Variants in USP11 observed in about 807,000 individuals in gnomAD.
USP11 encodes ubiquitin specific peptidase 11.
A neutral mutation model predicts 72.8 loss-of-function variants in USP11; 5 were observed. That is an observed-to-expected ratio of 0.07 (90% CI 0.04 to 0.14). The LOEUF (loss-of-function observed/expected upper bound fraction) is 0.14, where lower values mean the gene tolerates loss of function less well. USP11 is among the 10% of genes least tolerant of loss of function. The probability of loss-of-function intolerance (pLI) is 1.00; values close to 1 mark genes in which losing one functional copy is unlikely to be tolerated. For missense variants in USP11, 480 were observed against 794.7 expected (o/e 0.60, Z 4.76); for synonymous variants, 368 against 326.5 (o/e 1.13, Z -1.37).
chrX:47,233,541 C>T, intron 1 of USP11: 1 of 910,684 alleles, frequency 1.1e-6, no homozygotes, highest in Non-Finnish European at 1.4e-6. Context: ...AAGGTGGGTT[C>T]TGCTACATAA....
At chrX:47,234,202 G>A (rs1352180155) in intron 1 of USP11, among the ~76,000 whole-genome samples, 1 of 110,931 alleles carries the variant, frequency 9.0e-6, no homozygotes, top group East Asian at 2.8e-4. Context: ...TAAAATAAAC[G>A]GCCTACACTC....
At chrX:47,235,303 CCTTAT>C (rs1441658346) in intron 1 of USP11, among the ~76,000 whole-genome samples, 1 of 112,042 alleles carries the variant, frequency 8.9e-6, no homozygotes, top group Non-Finnish European at 1.9e-5. Flanking sequence ...TACTGTGAGC[CCTTAT>C]CTTCGCATCG....
rs1310007314 is a variant in USP11, at chrX:47,239,374, G to A, written c.310G>A (p.Glu104Lys). The A allele has an allele frequency of 1.7e-6, 2 of 1,211,561 alleles. No homozygotes were observed. Among genetic ancestry groups the A allele is most frequent in the Admixed American group, 2.2e-5 (1 of 46,037 alleles). Residue 104 changes from glutamate (E) to lysine (K), a missense_variant, in exon 3 of 21, where the codon GAG (glutamate) becomes AAG (lysine). Transcript: ENST00000377107. Reference protein sequence around the residue: ...FQDEINWRLKEGLVEGEDYVL... With the variant: ...FQDEINWRLKKGLVEGEDYVL... ...AGATGAGATAAACTGGCGCCTCAAGGAGGGACTGGTGGAAGGCGAGGATTA... is the reference window on the plus strand; with the variant it reads ...AGATGAGATAAACTGGCGCCTCAAGAAGGGACTGGTGGAAGGCGAGGATTA...
At chrX:47,240,496 A>G in intron 5 of USP11, 46 bp downstream of exon 5, 1 of 1,209,343 alleles carries the variant, frequency 8.3e-7, no homozygotes, top group Non-Finnish European at 1.1e-6. Flanking sequence ...TGGCAGATAG[A>G]CTCACCTGGC....
In USP11 at chrX:47,240,789, G is replaced by A. The variant is rs1216184460; in HGVS notation, c.759G>A (p.Ser253=). 8.3e-6 allele frequency: 10 copies of A among 1,210,023 alleles called. No individual in the cohort carries two copies. Among genetic ancestry groups the A allele is most frequent in the Admixed American group, 4.4e-5 (2 of 45,807 alleles). Residue 253 remains serine (S), a synonymous_variant, in exon 7 of 21, where the codon TCG becomes TCA. Coordinates refer to ENST00000377107, the MANE Select transcript of USP11 (RefSeq NM_001371072.1). ...AQLHVMNNNM[S]EEDEDFKGQP... is the part of the protein sequence containing the mutation. ...CTAACCCCAGGAACAACAACATGTC[G>A]GAAGAGGATGAGGACTTCAAGGGTC...
chrX:47,241,384 C>T lies in USP11; in HGVS notation c.954C>T (p.Ala318=), dbSNP rs373517181. 1.7e-6 allele frequency: 2 copies of T among 1,211,399 alleles called. No individual in the cohort carries two copies. The highest frequency in any genetic ancestry group is 2.2e-6 in the Non-Finnish European group (2 of 895,384). The stretch of plus-strand genomic sequence containing the variant: ...GCATGAAGGGTGAGATCGCAGAGGC[C>T]TATGCAGACCTGGTGAAGCAGGCGT... ...PLGMKGEIAE[A]YADLVKQAWS... The change falls in exon 8 of 21, where the codon GCC becomes GCT. Residue 318 remains alanine (A), a synonymous_variant. Transcript: ENST00000377107.
intron 17 of USP11, among the ~76,000 whole-genome samples, chrX:47,246,386 A>G (rs1235543768): frequency 1.8e-5 from 2 of 111,944 alleles, no homozygotes; most frequent in Admixed American, 9.6e-5. Flanking sequence ...TGGAGCAGAA[A>G]TGGAACAGAA....
intron 1 of USP11, chrX:47,233,762 GC>G: frequency 1.0e-5 from 1 of 97,204 alleles, no homozygotes. Context: ...GGTGACGTGA[GC>G]TGAGGGGCGT....
chrX:47,246,934 T>A, intron 17 of USP11, 138 bp from the exon 18 acceptor site: 1 of 784,188 alleles, frequency 1.3e-6, no homozygotes, highest in Non-Finnish European at 1.8e-6. Context: ...GGCAGGAGAA[T>A]CGCTTGAACC....
At chrX:47,241,773 G>C (rs970192347) in intron 9 of USP11, 74 bp downstream of exon 9, 1 of 1,078,904 alleles carries the variant, frequency 9.3e-7, no homozygotes, top group Admixed American at 3.2e-5. Flanking sequence ...TGGCCTCCCT[G>C]GGGTATCTAA....
chrX:47,247,564 C>G (rs373240511), intron 19 of USP11, 47 bp from the exon 20 acceptor site: 14 of 1,193,158 alleles, frequency 1.2e-5, no homozygotes, highest in South Asian at 1.8e-5. Flanking sequence ...CTGGACACTT[C>G]TGAGAGGCAG....
chrX:47,245,239 C>T (rs2055426030), intron 16 of USP11, 131 bp from the exon 17 acceptor site: 2 of 909,714 alleles, frequency 2.2e-6, no homozygotes, highest in Non-Finnish European at 3.1e-6. Flanking sequence ...AGCTCCAGGG[C>T]CTGAGGTTCC....
intron 1 of USP11, chrX:47,233,622 C>T: frequency 1.4e-6 from 1 of 698,967 alleles, no homozygotes; most frequent in Non-Finnish European, 1.7e-6. Context: ...TGCTCCGGGG[C>T]GGCTGGGAAC....
In USP11 at chrX:47,233,058, A is replaced by G. The variant is rs765440597; in HGVS notation, c.15A>G (p.Ala5=). 8.3e-7 allele frequency: 1 copy of G among 1,210,065 alleles called. No homozygotes were observed. The highest frequency in any genetic ancestry group is 1.8e-5 in the South Asian group (1 of 56,775). The change falls in exon 1 of 21, where the codon GCA becomes GCG. Residue 5 remains alanine, a synonymous_variant. Coordinates refer to ENST00000377107, the MANE Select transcript of USP11 (RefSeq NM_001371072.1). ...AACGGACGGCGATGGCGACGGTCGCAGCAAATCCAGCTGCTGCTGCGGCGG... is the reference window on the plus strand; with the variant it reads ...AACGGACGGCGATGGCGACGGTCGCGGCAAATCCAGCTGCTGCTGCGGCGG... The part of the protein sequence containing the change: MATV[A]ANPAAAAAAV...
intron 1 of USP11, among the ~76,000 whole-genome samples, chrX:47,235,931 C>G (rs1247989307): frequency 8.9e-6 from 1 of 111,870 alleles, no homozygotes; most frequent in African/African-American, 3.2e-5. Flanking sequence ...GGCTTTGATC[C>G]TTGCCTCTTC....
At chrX:47,241,052 C>A in intron 7 of USP11, 176 bp downstream of exon 7, 1 of 564,054 alleles carries the variant, frequency 1.8e-6, no homozygotes, top group Non-Finnish European at 2.8e-6. Flanking sequence ...TCAGCCTCTT[C>A]TCTCAGCTTG....
At chrX:47,244,233 C>T (rs1173845970) in intron 13 of USP11, among the ~76,000 whole-genome samples, 1 of 108,866 alleles carries the variant, frequency 9.2e-6, no homozygotes, top group Non-Finnish European at 1.9e-5. Context: ...CAAATAGCTG[C>T]AATTACAGCC....
chrX:47,247,810 C>G lies in USP11; in HGVS notation c.2643C>G (p.Val881=), dbSNP rs2147356407. 2 of 1,208,826 alleles carry G rather than the reference C, an allele frequency of 1.7e-6. No homozygotes were observed. Among genetic ancestry groups the G allele is most frequent in the East Asian group, 5.9e-5 (2 of 33,784 alleles). ...ENQIESKAAY[V]LFYQRQDVAR... ...CCCCACAGTCCAAGGCAGCCTATGTCCTCTTCTACCAACGCCAGGACGTGG... is the reference window on the plus strand; with the variant it reads ...CCCCACAGTCCAAGGCAGCCTATGTGCTCTTCTACCAACGCCAGGACGTGG... Residue 881 remains valine (V), a synonymous_variant, in exon 21 of 21, where the codon GTC becomes GTG. Coordinates refer to ENST00000377107, the MANE Select transcript of USP11 (RefSeq NM_001371072.1).
chrX:47,233,635 G>C (rs1265367961), intron 1 of USP11: 1 of 685,441 alleles, frequency 1.5e-6, no homozygotes, highest in Non-Finnish European at 1.7e-6. Flanking sequence ...CTGGGAACGA[G>C]GCGAGCTTTG....
Sources: allele counts gnomAD v4.1 joint callset (sites outside exome capture counted in the v4.1 genomes callset), GRCh38; gene constraint gnomAD v4.1.1; transcripts MANE v1.5; gene names NCBI Gene and HGNC (gene_info 2026-07-23, HGNC 2026-07-21).